Variants in FSHR observed in about 807,000 individuals in gnomAD.
FSHR encodes the protein follicle stimulating hormone receptor.
In FSHR, 46 loss-of-function variants were observed where a neutral mutation model predicts 52.1. The ratio of observed to expected loss-of-function variants is 0.88; its 90% CI spans 0.70 to 1.13. The LOEUF (loss-of-function observed/expected upper bound fraction) is 1.13. Ranked by LOEUF, FSHR falls within the 50% of genes most tolerant of loss-of-function variation. The pLI is 0.00. For missense variants in FSHR, 964 were observed against 834.6 expected (o/e 1.16, Z -1.91); for synonymous variants, 399 against 309.6 (o/e 1.29, Z -3.03).
chr2:49,144,252 C>T (rs1449313399), intron 1 of FSHR, among the ~76,000 whole-genome samples: 1 of 152,136 alleles, frequency 6.6e-6, no homozygotes, highest in African/African-American at 2.4e-5. Context: ...CAACAAACAG[C>T]CTAGCTGTTT....
chr2:49,070,236 C>T (rs1669679335), intron 1 of FSHR, among the ~76,000 whole-genome samples: 1 of 152,060 alleles, frequency 6.6e-6, no homozygotes, highest in Admixed American at 6.6e-5. Context: ...GAAATATTGT[C>T]AAGAGTAGAT....
intron 2 of FSHR, among the ~76,000 whole-genome samples, chr2:49,060,110 C>T (rs547917708): frequency 6.6e-6 from 1 of 152,160 alleles, no homozygotes; most frequent in Admixed American, 6.5e-5. Flanking sequence ...TGCTCCACAT[C>T]ACTAATCATC....
chr2:49,013,480 AAATAAATATATATATAT>A (rs1331491336), intron 4 of FSHR, among the ~76,000 whole-genome samples: 18 of 119,986 alleles, frequency 1.5e-4, no homozygotes, highest in African/African-American at 5.1e-4. Flanking sequence ...ATATATATAT[AAATAAATATATATATAT>A]ATAAATATAT....
chr2:49,040,379 C>T (rs1353845032), intron 2 of FSHR, among the ~76,000 whole-genome samples: 1 of 152,074 alleles, frequency 6.6e-6, no homozygotes, highest in African/African-American at 2.4e-5. Context: ...TCTCCCTGAC[C>T]ACCTCCAGAA....
At chr2:49,138,617 A>G (rs1572797593) in intron 1 of FSHR, among the ~76,000 whole-genome samples, 1 of 147,940 alleles carries the variant, frequency 6.8e-6, no homozygotes, top group East Asian at 2.1e-4. Context: ...TTCATATTGT[A>G]TGATCCCACT....
chr2:49,129,731 A>G (rs950026777), intron 1 of FSHR, among the ~76,000 whole-genome samples: 1 of 152,208 alleles, frequency 6.6e-6, no homozygotes, highest in East Asian at 1.9e-4. Flanking sequence ...TATAAATATG[A>G]GATAATGTGT....
At chr2:49,110,038 G>T (rs1671369629) in intron 1 of FSHR, among the ~76,000 whole-genome samples, 3 of 152,090 alleles carry the variant, frequency 2.0e-5, no homozygotes, top group Non-Finnish European at 2.9e-5. Flanking sequence ...GAGTGCATTT[G>T]GGAGCAGGGT....
intron 1 of FSHR, among the ~76,000 whole-genome samples, chr2:49,135,110 C>G (rs1672439428): frequency 6.6e-6 from 1 of 152,062 alleles, no homozygotes; most frequent in Non-Finnish European, 1.5e-5. Context: ...TATAAATCAA[C>G]TAGACCTAAC....
chr2:49,090,124 AGTGTGTGT>A (rs35574043), intron 1 of FSHR, among the ~76,000 whole-genome samples: 25,192 of 148,814 alleles, frequency 0.17, 2,063 homozygotes, highest in East Asian at 0.23. Flanking sequence ...AGTAAAATCG[AGTGTGTGT>A]GTGTGTGTGT....
intron 2 of FSHR, among the ~76,000 whole-genome samples, chr2:49,036,671 C>T (rs1668282329): frequency 6.6e-6 from 1 of 152,112 alleles, no homozygotes; most frequent in African/African-American, 2.4e-5. Flanking sequence ...CAGGCAGCCC[C>T]AGTTTGTCAA....
chr2:49,126,487 C>T (rs1672001474), intron 1 of FSHR, among the ~76,000 whole-genome samples: 1 of 152,124 alleles, frequency 6.6e-6, no homozygotes, highest in Non-Finnish European at 1.5e-5. Context: ...ACCATTGTTG[C>T]ACTGGGGATT....
intron 1 of FSHR, among the ~76,000 whole-genome samples, chr2:49,123,141 G>C (rs1463771980): frequency 2.0e-5 from 3 of 152,064 alleles, no homozygotes; most frequent in Non-Finnish European, 4.4e-5. Context: ...TTCCCTATCA[G>C]GTCTATAAAC....
chr2:49,153,991 T>A (rs578000724), intron 1 of FSHR, among the ~76,000 whole-genome samples: 4 of 152,152 alleles, frequency 2.6e-5, no homozygotes, highest in Admixed American at 1.3e-4. Context: ...CAAGAGCAAA[T>A]GCATTGAAAA....
chr2:49,107,015 C>G (rs1242935227), intron 1 of FSHR, among the ~76,000 whole-genome samples: 1 of 152,154 alleles, frequency 6.6e-6, no homozygotes, highest in Non-Finnish European at 1.5e-5. Context: ...TCTACAATAT[C>G]TAAAGACAAC....
intron 8 of FSHR, among the ~76,000 whole-genome samples, chr2:48,971,619 G>A (rs930103437): frequency 1.3e-5 from 2 of 152,150 alleles, no homozygotes; most frequent in Non-Finnish European, 2.9e-5. Flanking sequence ...TTTGTTAGCT[G>A]TCAATTAGAT....
chr2:49,119,692 G>A (rs115093117), intron 1 of FSHR, among the ~76,000 whole-genome samples: 2,006 of 152,122 alleles, frequency 0.013, 36 homozygotes, highest in African/African-American at 0.046. Flanking sequence ...CCTTGGACAC[G>A]CTCCCTTTGC....
At chr2:49,023,922 C>G (rs573353895) in intron 2 of FSHR, among the ~76,000 whole-genome samples, 4 of 152,194 alleles carry the variant, frequency 2.6e-5, no homozygotes, top group African/African-American at 4.8e-5. Context: ...TTCAAATATA[C>G]AAGTACATTT....
chr2:49,135,933 G>A (rs985908438), intron 1 of FSHR, among the ~76,000 whole-genome samples: 9 of 151,926 alleles, frequency 5.9e-5, no homozygotes, highest in Non-Finnish European at 1.3e-4. Flanking sequence ...AGGGGAGGAG[G>A]AAGACAAGGG....
intron 2 of FSHR, among the ~76,000 whole-genome samples, chr2:49,022,017 A>G (rs959520310): frequency 2.0e-5 from 3 of 148,766 alleles, no homozygotes; most frequent in Admixed American, 6.7e-5. Flanking sequence ...AAGGAGGGGG[A>G]AAGGGATGGA....
Sources: allele counts gnomAD v4.1 joint callset (sites outside exome capture counted in the v4.1 genomes callset), GRCh38; gene constraint gnomAD v4.1.1; transcripts MANE v1.5; gene names NCBI Gene and HGNC (gene_info 2026-07-23, HGNC 2026-07-21).